Variants in GAS7 observed in about 807,000 individuals in gnomAD.
GAS7 encodes growth arrest-specific protein 7.
Under a neutral mutation model 71.1 loss-of-function variants are expected in GAS7, and 28 were observed. The ratio of observed to expected loss-of-function variants is 0.39; its 90% CI spans 0.29 to 0.54. GAS7 has a LOEUF of 0.54. Ranked by LOEUF, GAS7 falls within the 20% of genes least tolerant of loss-of-function variation. The pLI, the probability that GAS7 is intolerant of heterozygous loss-of-function variation, is 0.62. For missense variants in GAS7, 436 were observed against 627.8 expected, an observed-to-expected ratio of 0.69 and a Z score of 3.27; for synonymous variants, 258 against 245.8, an observed-to-expected ratio of 1.05 and a Z score of -0.46.
In GAS7 at chr17:9,915,986, A is replaced by C. The variant is rs79656318; in HGVS notation, c.*1242T>G. 2,838 of 233,000 alleles carry C rather than the reference A, an allele frequency of 0.012. 122 individuals carry two copies. Among genetic ancestry groups the C allele is most frequent in the East Asian group, 0.12 (1,911 of 16,516 alleles). 14.4% of individuals were successfully genotyped at this position (233,000 alleles called of 1,614,324 possible). A position where few individuals can be genotyped will look rare whatever the true frequency, so the allele number is the denominator to read the frequency against. Reference sequence around the variant, plus strand: ...AGATGGAGAGAGGGAAAGGAGGTGCAGACACCAAGTAAGGGTTTGGTGCAG... The same window carrying C: ...AGATGGAGAGAGGGAAAGGAGGTGCCGACACCAAGTAAGGGTTTGGTGCAG... On this transcript the variant is annotated 3_prime_UTR_variant, in exon 14 of 14. Transcript: ENST00000432992.
chr17:9,975,593 G>A (rs2152123543), intron 3 of GAS7, among the ~76,000 whole-genome samples: 1 of 145,198 alleles, frequency 6.9e-6, no homozygotes, highest in East Asian at 2.1e-4. Flanking sequence ...ATTAAACATA[G>A]TACAGCCTAA....
intron 1 of GAS7, among the ~76,000 whole-genome samples, chr17:10,051,488 G>A (rs559099588): frequency 6.6e-6 from 1 of 152,194 alleles, no homozygotes; most frequent in African/African-American, 2.4e-5. Context: ...ATTTGGAAAA[G>A]ACGTGGTTTC....
chr17:9,973,962 T>C (rs2070078192), intron 3 of GAS7, among the ~76,000 whole-genome samples: 1 of 152,198 alleles, frequency 6.6e-6, no homozygotes. Context: ...TCCCAGCTCC[T>C]GAGGAGACCC....
At chr17:10,074,446 G>T (rs574696733) in intron 1 of GAS7, among the ~76,000 whole-genome samples, 1 of 152,016 alleles carries the variant, frequency 6.6e-6, no homozygotes, top group Non-Finnish European at 1.5e-5. Context: ...GTTTCACTTC[G>T]ATCTCCTCCC....
intron 11 of GAS7, among the ~76,000 whole-genome samples, chr17:9,920,944 G>T (rs941300187): frequency 1.3e-5 from 2 of 152,134 alleles, no homozygotes; most frequent in Non-Finnish European, 2.9e-5. Context: ...AGAGAACAGG[G>T]AAGGTTATGT....
chr17:10,135,821 G>T (rs1379505247), intron 1 of GAS7, among the ~76,000 whole-genome samples: 3 of 152,206 alleles, frequency 2.0e-5, no homozygotes, highest in Non-Finnish European at 4.4e-5. Context: ...GGATGCCTAT[G>T]CTCTGAGAAG....
chr17:10,183,507 CTCTCCTGA>C (rs1255677600), intron 1 of GAS7, among the ~76,000 whole-genome samples: 56 of 152,336 alleles, frequency 3.7e-4, no homozygotes, highest in African/African-American at 1.3e-3. Flanking sequence ...TTCTACCAGG[CTCTCCTGA>C]TCCTCAGAGG....
At chr17:10,134,187 C>G (rs994328327) in intron 1 of GAS7, among the ~76,000 whole-genome samples, 1 of 152,144 alleles carries the variant, frequency 6.6e-6, no homozygotes, top group African/African-American at 2.4e-5. Context: ...CCATCCACCA[C>G]GCCTAGCTAT....
intron 1 of GAS7, among the ~76,000 whole-genome samples, chr17:10,083,792 A>G (rs769263972): frequency 6.6e-6 from 1 of 152,240 alleles, no homozygotes; most frequent in East Asian, 1.9e-4. Context: ...TGAGTATGCA[A>G]AAAAGGTTAA....
At chr17:9,975,383 G>A (rs1312313778) in intron 3 of GAS7, among the ~76,000 whole-genome samples, 1 of 151,948 alleles carries the variant, frequency 6.6e-6, no homozygotes, top group Non-Finnish European at 1.5e-5. Context: ...CAAAGTTGAG[G>A]AACCCCGGAG....
chr17:10,053,771 C>G (rs1253907197), intron 1 of GAS7, among the ~76,000 whole-genome samples: 2 of 152,318 alleles, frequency 1.3e-5, no homozygotes, highest in East Asian at 3.9e-4. Flanking sequence ...TCCTTAACTC[C>G]TCTTTGGCTA....
At chr17:10,183,063 A>G (rs2074427974) in intron 1 of GAS7, among the ~76,000 whole-genome samples, 1 of 152,102 alleles carries the variant, frequency 6.6e-6, no homozygotes, top group East Asian at 1.9e-4. Flanking sequence ...CAAATAAACT[A>G]GCAATGGCCA....
chr17:10,006,136 A>G (rs1305677109), intron 2 of GAS7, among the ~76,000 whole-genome samples: 1 of 151,972 alleles, frequency 6.6e-6, no homozygotes, highest in African/African-American at 2.4e-5. Flanking sequence ...GCCCCAGTCT[A>G]AAGATCTCCA....
chr17:9,917,076 G>A lies in GAS7; in HGVS notation c.*152C>T, dbSNP rs1342265695. 3 of 623,986 alleles carry A rather than the reference G, an allele frequency of 4.8e-6. No homozygotes were observed. The highest frequency in any genetic ancestry group is 8.6e-6 in the Non-Finnish European group (3 of 347,678). 38.7% of individuals were successfully genotyped at this position (623,986 alleles called of 1,614,324 possible). ...GGAATATGGGGGAGCCCCCAGCTAG[G>A]CTGTCCGGGTCACCCTTCTGGAATC... is the stretch of plus-strand genomic sequence containing the variant. On this transcript the variant is annotated 3_prime_UTR_variant, in exon 14 of 14. Coordinates refer to ENST00000432992, the MANE Select transcript of GAS7 (RefSeq NM_201433.2).
At position 9,983,815 on chromosome 17, in the gene GAS7, T is replaced by C. The variant is rs369459643; in HGVS notation, c.305-1931A>G. 5.0e-4 allele frequency among the ~76,000 whole-genome samples: 76 copies of C among 152,140 alleles called. No individual in the cohort carries two copies. In the South Asian group the frequency reaches 0.015, roughly 31 times the overall value. Reference sequence around the variant, plus strand: ...AATAAATAAACAAATAAAATAAAAATAAATTTTAAAAACTTTCCAAAATCA... The same window carrying C: ...AATAAATAAACAAATAAAATAAAAACAAATTTTAAAAACTTTCCAAAATCA... On this transcript the variant is annotated intron_variant, in intron 2 of 13. Coordinates refer to ENST00000432992, the MANE Select transcript of GAS7 (RefSeq NM_201433.2).
chr17:10,170,178 T>C (rs2074325619), intron 1 of GAS7, among the ~76,000 whole-genome samples: 1 of 151,400 alleles, frequency 6.6e-6, no homozygotes, highest in African/African-American at 2.4e-5. Flanking sequence ...CCATCATTCA[T>C]TCCCAAGAGA....
chr17:10,095,756 T>TC (rs1213394365), intron 1 of GAS7, among the ~76,000 whole-genome samples: 1 of 147,278 alleles, frequency 6.8e-6, no homozygotes, highest in African/African-American at 2.5e-5. Context: ...TGAGCTGAGA[T>TC]CATGCCACTG....
At chr17:10,179,837 G>A (rs1012003238) in intron 1 of GAS7, among the ~76,000 whole-genome samples, 2 of 152,270 alleles carry the variant, frequency 1.3e-5, no homozygotes, top group Non-Finnish European at 2.9e-5. Flanking sequence ...AGGACGCTCC[G>A]AGACAGCAGG....
intron 1 of GAS7, among the ~76,000 whole-genome samples, chr17:10,133,581 T>C (rs902443778): frequency 6.6e-6 from 1 of 152,162 alleles, no homozygotes; most frequent in Non-Finnish European, 1.5e-5. Flanking sequence ...ATCCACTCTT[T>C]TAGCAATTTT....
Sources: allele counts gnomAD v4.1 joint callset (sites outside exome capture counted in the v4.1 genomes callset), GRCh38; gene constraint gnomAD v4.1.1; transcripts MANE v1.5; gene names NCBI Gene and HGNC (gene_info 2026-07-23, HGNC 2026-07-21).